Variants in HTR2C observed in about 807,000 individuals in gnomAD.
The protein encoded by HTR2C is 5-hydroxytryptamine (serotonin) receptor 2C, G protein-coupled.
HTR2C carries 5 observed loss-of-function variants against 21.0 expected under a neutral mutation model. That is an observed-to-expected ratio of 0.24 (90% confidence interval 0.12 to 0.50). The LOEUF (loss-of-function observed/expected upper bound fraction) is 0.50, where lower values mean the gene tolerates loss of function less well. Among genes scored for constraint, HTR2C ranks in the 20% least tolerant of loss-of-function variants. The pLI, the probability that HTR2C is intolerant of heterozygous loss-of-function variation, is 0.98. For synonymous variants in HTR2C, 150 were observed against 145.3 expected (o/e 1.03, Z -0.23); for missense variants, 271 against 371.2 (o/e 0.73, Z 2.22).
At chrX:114,586,720 T>G (rs1927412905) in intron 1 of HTR2C, among the ~76,000 whole-genome samples, 1 of 111,206 alleles carries the variant, frequency 9.0e-6, no homozygotes, top group Non-Finnish European at 1.9e-5. Context: ...TATGAATTCA[T>G]CAGAAAAGAG....
intron 2 of HTR2C, among the ~76,000 whole-genome samples, chrX:114,676,726 CTT>C (rs1368464967): frequency 1.8e-5 from 2 of 112,328 alleles, no homozygotes; most frequent in East Asian, 2.8e-4. Context: ...CTATGACACT[CTT>C]TTGTTTTTGT....
At chrX:114,791,301 A>G (rs782268253) in intron 4 of HTR2C, among the ~76,000 whole-genome samples, 1 of 112,808 alleles carries the variant, frequency 8.9e-6, no homozygotes, top group East Asian at 2.8e-4. Flanking sequence ...AAACATATAA[A>G]TGAGTATAGG....
chrX:114,657,984 G>T (rs1569481959), intron 2 of HTR2C, among the ~76,000 whole-genome samples: 3 of 110,662 alleles, frequency 2.7e-5, no homozygotes, highest in Non-Finnish European at 5.7e-5. Flanking sequence ...AGATGCCCAG[G>T]CTTAAAATTT....
At chrX:114,703,307 G>T (rs1178003939) in intron 2 of HTR2C, among the ~76,000 whole-genome samples, 1 of 108,223 alleles carries the variant, frequency 9.2e-6, no homozygotes, top group African/African-American at 3.4e-5. Flanking sequence ...CACATACTTG[G>T]AAGTAAAGCT....
At chrX:114,687,720 A>G (rs1166140288) in intron 2 of HTR2C, among the ~76,000 whole-genome samples, 1 of 111,822 alleles carries the variant, frequency 8.9e-6, no homozygotes, top group African/African-American at 3.2e-5. Context: ...GGTAATTCAT[A>G]GATAAATGTA....
intron 4 of HTR2C, among the ~76,000 whole-genome samples, chrX:114,799,600 A>T (rs2070326851): frequency 9.0e-6 from 1 of 111,255 alleles, no homozygotes; most frequent in Non-Finnish European, 1.9e-5. Flanking sequence ...TTAAATATAT[A>T]CTATAAATAA....
intron 4 of HTR2C, among the ~76,000 whole-genome samples, chrX:114,743,497 G>A (rs2147358837): frequency 1.8e-5 from 2 of 111,844 alleles, no homozygotes; most frequent in Non-Finnish European, 3.8e-5. Flanking sequence ...TATAGCATAG[G>A]CTTAATAACA....
intron 4 of HTR2C, among the ~76,000 whole-genome samples, chrX:114,801,151 C>T (rs1556446712): frequency 3.6e-5 from 4 of 111,277 alleles, no homozygotes. Context: ...TATTTTTCCT[C>T]TGGCTTTTCT....
intron 2 of HTR2C, among the ~76,000 whole-genome samples, chrX:114,694,874 T>G (rs1032580210): frequency 6.4e-4 from 72 of 111,695 alleles, no homozygotes; most frequent in African/African-American, 2.1e-3. Flanking sequence ...ACTGCTATAT[T>G]TTGATATTGG....
intron 1 of HTR2C, among the ~76,000 whole-genome samples, chrX:114,602,130 C>G (rs1556394769): frequency 2.4e-5 from 1 of 41,427 alleles, no homozygotes; most frequent in African/African-American, 8.0e-5. Flanking sequence ...TATTTATTTA[C>G]TTCAAGAGTT....
intron 4 of HTR2C, among the ~76,000 whole-genome samples, chrX:114,836,274 C>T (rs1602859507): frequency 8.9e-6 from 1 of 111,746 alleles, no homozygotes; most frequent in African/African-American, 3.2e-5. Context: ...CCTAATCAAG[C>T]CTGGGCAATG....
intron 4 of HTR2C, among the ~76,000 whole-genome samples, chrX:114,845,733 G>GGT (rs1280554391): frequency 4.5e-5 from 5 of 109,891 alleles, no homozygotes; most frequent in Non-Finnish European, 7.6e-5. Context: ...CAATCCTCCT[G>GGT]GTGTGGTATC....
At chrX:114,639,781 G>A (rs1224594727) in intron 2 of HTR2C, among the ~76,000 whole-genome samples, 1 of 111,759 alleles carries the variant, frequency 8.9e-6, no homozygotes, top group East Asian at 2.8e-4. Flanking sequence ...AATAAACAGC[G>A]GTAAAGGGAC....
At position 114,739,176 on chromosome X, in the gene HTR2C, C is replaced by G. The variant is rs185043296; in HGVS notation, c.349+7569C>G. Among the ~76,000 whole-genome samples, 15 of 111,007 alleles carry G rather than the reference C, an allele frequency of 1.4e-4. No individual in the cohort carries two copies. The Admixed American group carries it at 1.4e-3, about 11-fold the overall frequency. The stretch of plus-strand genomic sequence containing the variant: ...ATAAAATATAAATAACTTTGTCAGA[C>G]AGCTGGCATCTTAGTTCATAGGAAA... On this transcript the variant is annotated intron_variant, in intron 4 of 5. Transcript: ENST00000276198.
chrX:114,906,211 A>G (rs2071371069), intron 5 of HTR2C, among the ~76,000 whole-genome samples: 1 of 112,145 alleles, frequency 8.9e-6, no homozygotes, highest in African/African-American at 3.2e-5. Flanking sequence ...ACAGATGTGA[A>G]TTTATTCATT....
chrX:114,644,364 T>TAA (rs1409375537), intron 2 of HTR2C, among the ~76,000 whole-genome samples: 1,116 of 35,289 alleles, frequency 0.032, 7 homozygotes, highest in Middle Eastern at 0.039. Context: ...AATAAATAAA[T>TAA]ATATATATAT....
At chrX:114,805,861 T>TACC (rs1556448961) in intron 4 of HTR2C, among the ~76,000 whole-genome samples, 40 of 91,559 alleles carry the variant, frequency 4.4e-4, no homozygotes, top group African/African-American at 1.5e-3. Flanking sequence ...ATACCATATA[T>TACC]ATACCATATA....
At chrX:114,838,959 C>T (rs782813128) in intron 4 of HTR2C, among the ~76,000 whole-genome samples, 1 of 112,191 alleles carries the variant, frequency 8.9e-6, no homozygotes, top group East Asian at 2.8e-4. Context: ...AACATAATTT[C>T]TGCAAGTGAA....
At chrX:114,599,929 T>C (rs782196305) in intron 1 of HTR2C, among the ~76,000 whole-genome samples, 10 of 111,827 alleles carry the variant, frequency 8.9e-5, no homozygotes, top group South Asian at 3.7e-4. Flanking sequence ...ATAGTATTAC[T>C]GAAGTTGTTA....
Sources: gnomAD v4.1 joint callset for allele counts (sites outside exome capture counted in the v4.1 genomes callset) on GRCh38, gnomAD v4.1.1 for gene constraint, MANE v1.5 for transcripts, NCBI Gene and HGNC (gene_info 2026-07-23, HGNC 2026-07-21) for gene names.